Variants in ALDH4A1 observed in about 807,000 individuals in gnomAD.
ALDH4A1 encodes the protein aldehyde dehydrogenase 4 family member A1, also known as delta-1-pyrroline-5-carboxylate dehydrogenase, mitochondrial.
ALDH4A1 carries 46 observed loss-of-function variants against 70.5 expected under a neutral mutation model. The ratio of observed to expected loss-of-function variants is 0.65; its 90% confidence interval spans 0.51 to 0.83. ALDH4A1 has a LOEUF of 0.83. Among genes scored for constraint, ALDH4A1 ranks in the 40% least tolerant of loss-of-function variants. The pLI is 0.00. For missense variants in ALDH4A1, 749 were observed against 766.5 expected, an observed-to-expected ratio of 0.98 and a Z score of 0.27; for synonymous variants, 323 against 324.3, an observed-to-expected ratio of 1.00 and a Z score of 0.04.
chr1:18,875,934 G>C (rs1934661491), intron 12 of ALDH4A1, among the ~76,000 whole-genome samples: 1 of 152,226 alleles, frequency 6.6e-6, no homozygotes, highest in Admixed American at 6.5e-5. Context: ...ACTTGGGCAA[G>C]TGCCTTGACC....
intron 1 of ALDH4A1, among the ~76,000 whole-genome samples, chr1:18,900,026 C>G (rs28528764): frequency 0.013 from 1,939 of 152,244 alleles, 29 homozygotes; most frequent in Non-Finnish European, 0.023. Context: ...CATATCTATT[C>G]ATGGAAAGTT....
chr1:18,896,930 A>T, intron 1 of ALDH4A1: 1 of 357,284 alleles, frequency 2.8e-6, no homozygotes, highest in East Asian at 8.2e-5. Context: ...AATGCCAGGG[A>T]TGAGCTGCTT....
At chr1:18,889,188 G>A (rs1935336451) in intron 3 of ALDH4A1, among the ~76,000 whole-genome samples, 174 bp downstream of exon 3, 1 of 152,230 alleles carries the variant, frequency 6.6e-6, no homozygotes, top group Non-Finnish European at 1.5e-5. Flanking sequence ...CAGTGTGGGT[G>A]CCGTCCTTTG....
chr1:18,888,946 A>C (rs4911985), intron 3 of ALDH4A1, among the ~76,000 whole-genome samples: 1 of 152,146 alleles, frequency 6.6e-6, no homozygotes, highest in South Asian at 2.1e-4. Context: ...TCACAGACCT[A>C]TGAGTTTCCT....
intron 14 of ALDH4A1, among the ~76,000 whole-genome samples, chr1:18,873,890 AC>A (rs1934558116): frequency 6.6e-6 from 1 of 152,208 alleles, no homozygotes; most frequent in Non-Finnish European, 1.5e-5. Flanking sequence ...GGTGTGGGTA[AC>A]CTGGGGTCCC....
chr1:18,883,057 C>T (rs1163826796), intron 7 of ALDH4A1, 67 bp downstream of exon 7: 1 of 1,606,016 alleles, frequency 6.2e-7, no homozygotes, highest in East Asian at 2.2e-5. Context: ...TCAGGGTGGC[C>T]TCTGTCTGTC....
intron 1 of ALDH4A1, among the ~76,000 whole-genome samples, chr1:18,892,603 G>T (rs865877475): frequency 2.0e-5 from 3 of 151,666 alleles, no homozygotes. Flanking sequence ...GAGAGGGAGA[G>T]GCAGGGGCAG....
chr1:18,877,664 GC>G, intron 9 of ALDH4A1, 52 bp from the exon 10 acceptor site: 1 of 1,420,688 alleles, frequency 7.0e-7, no homozygotes, highest in Non-Finnish European at 9.8e-7. Context: ...TCCCCCGGTT[GC>G]CCAGGGGCCC....
intron 5 of ALDH4A1, among the ~76,000 whole-genome samples, chr1:18,884,594 G>A (rs1935118197): frequency 6.6e-6 from 1 of 152,334 alleles, no homozygotes; most frequent in African/African-American, 2.4e-5. Flanking sequence ...TCAGGGGCTT[G>A]CTATGCCTCC....
Position 18,875,495 on chromosome 1 carries a change from G to C in ALDH4A1, c.1347C>G (p.Phe449Leu). The C allele has an allele frequency of 6.2e-7, 1 of 1,614,078 alleles. No individual in the cohort carries two copies. Among genetic ancestry groups the C allele is most frequent in the Non-Finnish European group, 8.5e-7 (1 of 1,180,006 alleles). Residue 449 changes from phenylalanine (F) to leucine (L), a missense_variant, in exon 13 of 15, where the codon TTC becomes TTG. Phe to Leu is a conservative substitution (Grantham distance 22). Transcript: ENST00000375341. ...PQEPIMKEEI[F>L]GPVLSVYVYP... ...AGACGTACACAGACAGTACAGGCCC[G>C]AAGATCTCCTAGGAGAGAGGCCCCG...
chr1:18,891,536 A>C (rs900698585), intron 1 of ALDH4A1, among the ~76,000 whole-genome samples: 1 of 152,040 alleles, frequency 6.6e-6, no homozygotes, highest in Non-Finnish European at 1.5e-5. Context: ...AGGGCATCTC[A>C]GTAAGATGCT....
chr1:18,896,689 T>G (rs1271104825), intron 1 of ALDH4A1, among the ~76,000 whole-genome samples: 1 of 152,008 alleles, frequency 6.6e-6, no homozygotes, highest in Non-Finnish European at 1.5e-5. Flanking sequence ...GGTCAGGAGT[T>G]TGAGACCAGC....
intron 11 of ALDH4A1, 138 bp downstream of exon 11, chr1:18,877,070 T>C: frequency 9.2e-7 from 1 of 1,091,144 alleles, no homozygotes; most frequent in Non-Finnish European, 1.4e-6. Context: ...GAGGTGCGTG[T>C]GTGGCTGCTG....
chr1:18,881,472 A>G (rs543405722), intron 8 of ALDH4A1, among the ~76,000 whole-genome samples: 18 of 152,192 alleles, frequency 1.2e-4, no homozygotes, highest in Non-Finnish European at 2.5e-4. Flanking sequence ...GTTCATTAAC[A>G]TGTTTAATCC....
chr1:18,885,441 G>GCCCC, intron 5 of ALDH4A1, 32 bp downstream of exon 5: 4 of 423,742 alleles, frequency 9.4e-6, no homozygotes, highest in African/African-American at 9.2e-5. Flanking sequence ...ACCCCACCCC[G>GCCCC]CCCCACCCAC....
rs966377982 is a variant in ALDH4A1, at chr1:18,898,464, G to T, written c.62+3998C>A. 6.6e-6 allele frequency among the ~76,000 whole-genome samples: 1 copy of T among 152,210 alleles called. No homozygotes were observed. The highest frequency in any genetic ancestry group is 1.5e-5 in the Non-Finnish European group (1 of 68,044). On this transcript the variant is annotated intron_variant, in intron 1 of 14. Coordinates refer to ENST00000375341, the MANE Select transcript of ALDH4A1 (RefSeq NM_003748.4). The surrounding 1 kb of genome is among the most constrained non-coding windows in gnomAD (Gnocchi z 4.3). ...CCACCATCCTTCACTGCTGGGCCCT[G>T]CTGTCTTGATATTCCTGATCGAAGA...
chr1:18,875,639 G>A (rs987731962), intron 12 of ALDH4A1, 136 bp from the exon 13 acceptor site: 2 of 1,417,134 alleles, frequency 1.4e-6, no homozygotes, highest in South Asian at 2.4e-5. Context: ...CTGCAAGAAG[G>A]GTCAGGTGTC....
chr1:18,885,379 A>C, intron 5 of ALDH4A1, 94 bp downstream of exon 5: 1 of 1,348,584 alleles, frequency 7.4e-7, no homozygotes, highest in Non-Finnish European at 1.0e-6. Context: ...CTTAGGACCC[A>C]GAAGCGCTTC....
Position 18,880,334 on chromosome 1 carries a change from C to A in ALDH4A1, c.867-961G>T, listed in dbSNP as rs1456254245. On this transcript the variant is annotated intron_variant, in intron 8 of 14. Coordinates refer to ENST00000375341, the MANE Select transcript of ALDH4A1 (RefSeq NM_003748.4). This position sits in a 1 kb window ranked among gnomAD's most constrained non-coding sequence, Gnocchi z 5.1. ...AGATTCATCTTCCCCCGAGCCCGCT[C>A]GCCCTCCCAGGTGCCCATCTTGAAC... Among the ~76,000 whole-genome samples, 4 of 152,148 alleles carry A rather than the reference C, an allele frequency of 2.6e-5. No individual in the cohort carries two copies. The highest frequency in any genetic ancestry group is 4.4e-5 in the Non-Finnish European group (3 of 68,010).
Sources: allele counts gnomAD v4.1 joint callset (sites outside exome capture counted in the v4.1 genomes callset), GRCh38; gene constraint gnomAD v4.1.1; non-coding constraint Gnocchi (gnomAD v3.1); transcripts MANE v1.5; gene names NCBI Gene and HGNC (gene_info 2026-07-23, HGNC 2026-07-21).